The following SLC35D4 variants were observed in gnomAD, a reference collection of about 807,000 sequenced individuals.
SLC35D4 encodes solute carrier family 35 member D4.
At chr18:23,437,377 G>A in the SLC35D4 span, among the ~76,000 whole-genome samples, 1 of 152,106 alleles carries the variant, frequency 6.6e-6, no homozygotes, top group Admixed American at 6.6e-5. Context: ...AAAGGCTTCT[G>A]GAACTTCACG....
At chr18:23,415,138 T>A in the SLC35D4 span, among the ~76,000 whole-genome samples, 3 of 152,146 alleles carry the variant, frequency 2.0e-5, no homozygotes, top group African/African-American at 4.8e-5. Flanking sequence ...TAAATTTTTT[T>A]AAATAAATAC....
the SLC35D4 span, chr18:23,371,523 G>T: frequency 6.9e-7 from 1 of 1,447,622 alleles, no homozygotes; most frequent in South Asian, 1.3e-5. Flanking sequence ...AAGGCAAATG[G>T]AATCCAGTGT....
the SLC35D4 span, among the ~76,000 whole-genome samples, chr18:23,419,721 C>A: frequency 1.3e-5 from 2 of 152,054 alleles, no homozygotes; most frequent in African/African-American, 4.8e-5. Flanking sequence ...ATCGAGATAA[C>A]TGGCAAAATA....
At chr18:23,239,029 C>A in the SLC35D4 span, among the ~76,000 whole-genome samples, 73 of 152,230 alleles carry the variant, frequency 4.8e-4, no homozygotes, top group African/African-American at 1.8e-3. Context: ...GCCGACCTCT[C>A]CTTTTATAGG....
chr18:23,357,919 C>T, the SLC35D4 span, among the ~76,000 whole-genome samples: 2 of 152,324 alleles, frequency 1.3e-5, no homozygotes, highest in African/African-American at 2.4e-5. Context: ...CTTTCAGCCA[C>T]GATTCCTCTG....
chr18:23,371,084 T>C, the SLC35D4 span, among the ~76,000 whole-genome samples: 2 of 138,590 alleles, frequency 1.4e-5, no homozygotes, highest in Non-Finnish European at 1.6e-5. Flanking sequence ...CTTCCCTCTC[T>C]CCCTCTCTCT....
At chr18:23,336,756 G>A in the SLC35D4 span, among the ~76,000 whole-genome samples, 13 of 152,188 alleles carry the variant, frequency 8.5e-5, no homozygotes, top group Admixed American at 2.6e-4. Flanking sequence ...CTGGGGAGAG[G>A]AGCCCCCTCT....
the SLC35D4 span, among the ~76,000 whole-genome samples, chr18:23,411,489 G>GAAAGAAAGA: frequency 9.0e-6 from 1 of 110,744 alleles, no homozygotes; most frequent in East Asian, 2.7e-4. Flanking sequence ...GAGATAGAAA[G>GAAAGAAAGA]AAAGAAAGAA....
the SLC35D4 span, among the ~76,000 whole-genome samples, chr18:23,420,173 C>T: frequency 1.3e-5 from 2 of 152,032 alleles, no homozygotes; most frequent in Admixed American, 6.6e-5. Flanking sequence ...CGTGGTGGCG[C>T]ATGCCTGTAA....
At chr18:23,324,869 C>T in the SLC35D4 span, among the ~76,000 whole-genome samples, 3 of 152,096 alleles carry the variant, frequency 2.0e-5, no homozygotes, top group African/African-American at 4.8e-5. Flanking sequence ...AAAGGAAAAC[C>T]GAAGAGAGTG....
chr18:23,429,658 G>A, the SLC35D4 span, among the ~76,000 whole-genome samples: 3 of 152,104 alleles, frequency 2.0e-5, no homozygotes, highest in African/African-American at 7.2e-5. Flanking sequence ...TTACAGGCAT[G>A]AGCCACCACA....
At chr18:23,294,727 C>T in the SLC35D4 span, among the ~76,000 whole-genome samples, 11 of 152,138 alleles carry the variant, frequency 7.2e-5, no homozygotes, top group South Asian at 2.1e-4. Flanking sequence ...CCACTGCACT[C>T]GAGCCTGGGT....
the SLC35D4 span, among the ~76,000 whole-genome samples, chr18:23,255,397 A>G: frequency 6.8e-3 from 1,033 of 152,302 alleles, 8 homozygotes; most frequent in African/African-American, 0.023. Flanking sequence ...GTACTCCCCA[A>G]TTGAAAAGAG....
At chr18:23,378,199 C>CTT in the SLC35D4 span, among the ~76,000 whole-genome samples, 3 of 141,998 alleles carry the variant, frequency 2.1e-5, no homozygotes, top group Non-Finnish European at 4.6e-5. Context: ...TTCTTTCTTT[C>CTT]TTTTTTTTTT....
the SLC35D4 span, among the ~76,000 whole-genome samples, chr18:23,378,304 T>C: frequency 7.2e-5 from 11 of 152,086 alleles, no homozygotes; most frequent in African/African-American, 1.2e-4. Context: ...CCTAAAGCAC[T>C]GGGATTACAG....
the SLC35D4 span, chr18:23,295,928 T>C: frequency 6.6e-6 from 1 of 152,174 alleles, no homozygotes; most frequent in Non-Finnish European, 1.5e-5. Flanking sequence ...GGTAAGGTAT[T>C]TGAAACATCT....
At chr18:23,378,998 G>A in the SLC35D4 span, among the ~76,000 whole-genome samples, 3 of 152,192 alleles carry the variant, frequency 2.0e-5, no homozygotes, top group Non-Finnish European at 2.9e-5. Context: ...AGGACGCGAG[G>A]CCAACCGTGC....
the SLC35D4 span, among the ~76,000 whole-genome samples, chr18:23,243,400 C>T: frequency 6.7e-6 from 1 of 150,094 alleles, no homozygotes; most frequent in African/African-American, 2.4e-5. Flanking sequence ...TAAGTGTTCA[C>T]ATCAAGGCCT....
At chr18:23,382,405 G>A in the SLC35D4 span, among the ~76,000 whole-genome samples, 1 of 151,944 alleles carries the variant, frequency 6.6e-6, no homozygotes, top group Non-Finnish European at 1.5e-5. Context: ...CAGTTCTGGA[G>A]GCTGAGCCCA....
Sources: allele counts gnomAD v4.1 joint callset (sites outside exome capture counted in the v4.1 genomes callset), GRCh38; gene constraint gnomAD v4.1.1; transcripts MANE v1.5; gene names NCBI Gene and HGNC (gene_info 2026-07-23, HGNC 2026-07-21).